FOXP2: variants seen among roughly 807,000 people sequenced by gnomAD.
The protein encoded by FOXP2 is forkhead box protein P2.
Under a neutral mutation model 115.8 loss-of-function variants are expected in FOXP2, and 12 were observed. The observed-to-expected ratio is 0.10, with a 90% CI of 0.07 to 0.17. The LOEUF is 0.17. FOXP2 is among the 10% of genes least tolerant of loss of function. The pLI is 1.00. For missense variants in FOXP2, 629 were observed against 843.5 expected (o/e 0.75, Z 3.15); for synonymous variants, 328 against 297.7 (o/e 1.10, Z -1.05).
intron 1 of FOXP2, among the ~76,000 whole-genome samples, chr7:114,264,123 T>TGA (rs1795834241): frequency 6.6e-6 from 1 of 152,098 alleles, no homozygotes; most frequent in Non-Finnish European, 1.5e-5. Flanking sequence ...CTTTAATACT[T>TGA]ATATTAATAT....
At chr7:114,619,846 G>A (rs1425458571) in intron 3 of FOXP2, among the ~76,000 whole-genome samples, 2 of 152,022 alleles carry the variant, frequency 1.3e-5, no homozygotes, top group East Asian at 3.9e-4. Context: ...ACCATGGCTA[G>A]AAAAATGATA....
At chr7:114,094,298 A>G (rs772920065) in intron 1 of FOXP2, among the ~76,000 whole-genome samples, 13 of 152,226 alleles carry the variant, frequency 8.5e-5, no homozygotes, top group Non-Finnish European at 1.2e-4. Flanking sequence ...AATAAGTGAT[A>G]CAGCCCTCCA....
chr7:114,130,625 A>T (rs1197511611), intron 1 of FOXP2, among the ~76,000 whole-genome samples: 3 of 152,228 alleles, frequency 2.0e-5, no homozygotes, highest in African/African-American at 7.2e-5. Context: ...GTCATCTGGG[A>T]CTTTTAATAT....
In FOXP2 at chr7:114,394,394, T is replaced by TACAC. The variant is rs147854196; in HGVS notation, c.-10-32084_-10-32081dup. 2.8e-3 allele frequency among the ~76,000 whole-genome samples: 409 copies of TACAC among 146,664 alleles called. 3 individuals carry two copies. Among genetic ancestry groups the TACAC allele is most frequent in the Middle Eastern group, 6.8e-3 (2 of 292 alleles). ...GAATAAAGGGAGAAATATGAATCTA[T>TACAC]ACACACACACACACACACACACACA... On this transcript the variant is annotated intron_variant, in intron 2 of 17. Coordinates refer to the FOXP2 transcript ENST00000634411.
chr7:114,497,786 T>A (rs1046356488), intron 2 of FOXP2, among the ~76,000 whole-genome samples: 2 of 152,130 alleles, frequency 1.3e-5, no homozygotes, highest in African/African-American at 4.8e-5. Flanking sequence ...TTAAAGTATA[T>A]TTTCTTCTAA....
intron 16 of FOXP2, among the ~76,000 whole-genome samples, chr7:114,682,346 A>G (rs1369256875): frequency 6.6e-6 from 1 of 152,306 alleles, no homozygotes; most frequent in Admixed American, 6.5e-5. Flanking sequence ...AAAATACTAA[A>G]TACATAAAAT....
rs140999809 is a variant in FOXP2 at position 114,312,133 on chromosome 7, C to A, written c.-11+24024C>A. Among the ~76,000 whole-genome samples the A allele has an allele frequency of 4.5e-3, 686 of 152,218 alleles. 4 individuals carry two copies. Among genetic ancestry groups the A allele is most frequent in the African/African-American group, 0.016 (659 of 41,530 alleles). On this transcript the variant is annotated intron_variant, in intron 2 of 17. Coordinates refer to the FOXP2 transcript ENST00000634411. ...AATGAACTTTTATGTATTCAGTTCA[C>A]CCAAATCTCCATATTGAATAGGGAG...
chr7:114,208,537 T>C (rs1441465479), intron 1 of FOXP2, among the ~76,000 whole-genome samples: 2 of 152,082 alleles, frequency 1.3e-5, no homozygotes, highest in Non-Finnish European at 2.9e-5. Context: ...ATACTTGGTT[T>C]TGAAATGTGA....
At chr7:114,658,699 A>G (rs1022934323) in intron 11 of FOXP2, among the ~76,000 whole-genome samples, 2 of 152,202 alleles carry the variant, frequency 1.3e-5, no homozygotes, top group African/African-American at 4.8e-5. Flanking sequence ...CCTAAATGAA[A>G]TCCTGTCACA....
At chr7:114,435,563 G>C (rs540102583) in intron 2 of FOXP2, among the ~76,000 whole-genome samples, 1 of 152,226 alleles carries the variant, frequency 6.6e-6, no homozygotes, top group African/African-American at 2.4e-5. Context: ...TTGAGATGGA[G>C]TATTGCTCTT....
At chr7:114,682,044 C>G (rs1808110538) in intron 16 of FOXP2, among the ~76,000 whole-genome samples, 1 of 152,138 alleles carries the variant, frequency 6.6e-6, no homozygotes, top group South Asian at 2.1e-4. Context: ...GATCCAGGCA[C>G]TATTTCAAGT....
At chr7:114,175,569 C>T (rs1390974302) in intron 1 of FOXP2, among the ~76,000 whole-genome samples, 1 of 152,096 alleles carries the variant, frequency 6.6e-6, no homozygotes, top group Non-Finnish European at 1.5e-5. Flanking sequence ...AAAGCTCTCA[C>T]ATTTTTGTTT....
Position 114,391,190 on chromosome 7 carries a change from GAA to G in FOXP2, c.-10-35299_-10-35298del, listed in dbSNP as rs555238683. Among the ~76,000 whole-genome samples the G allele has an allele frequency of 6.3e-3, 875 of 139,814 alleles. 7 individuals are homozygous for G. Among genetic ancestry groups the G allele is most frequent in the African/African-American group, 0.02 (751 of 38,234 alleles). 91.7% of individuals were successfully genotyped at this position (139,814 alleles called of 152,430 possible). A position where few individuals can be genotyped will look rare whatever the true frequency, so the allele number is the denominator to read the frequency against. On this transcript the variant is annotated intron_variant, in intron 2 of 17. Coordinates refer to the FOXP2 transcript ENST00000634411. ...CGACAAGAGCAAGACTCCATCTCAG[GAA>G]AAAAAAAAAAAATCTGACTTCTCTG...
intron 3 of FOXP2, among the ~76,000 whole-genome samples, chr7:114,575,235 G>A (rs1283961777): frequency 6.6e-6 from 1 of 151,678 alleles, no homozygotes; most frequent in Non-Finnish European, 1.5e-5. Flanking sequence ...TACCTCATAA[G>A]GTGGTAACGG....
At chr7:114,602,103 AT>A (rs1313813510) in intron 3 of FOXP2, among the ~76,000 whole-genome samples, 17 of 152,128 alleles carry the variant, frequency 1.1e-4, no homozygotes, top group Non-Finnish European at 2.4e-4. Context: ...CCTACTTTGA[AT>A]GTATATTTGT....
intron 1 of FOXP2, among the ~76,000 whole-genome samples, chr7:114,199,243 G>T (rs971828807): frequency 6.6e-6 from 1 of 152,086 alleles, no homozygotes; most frequent in Non-Finnish European, 1.5e-5. Context: ...ATATGTTTTG[G>T]TTGAATGTCT....
chr7:114,670,619 T>C (rs576525615), intron 16 of FOXP2, among the ~76,000 whole-genome samples: 113 of 152,144 alleles, frequency 7.4e-4, no homozygotes, highest in Non-Finnish European at 9.9e-4. Flanking sequence ...CTTTGAATTG[T>C]CATAAAACAT....
chr7:114,356,222 T>G (rs1016559343), intron 2 of FOXP2, among the ~76,000 whole-genome samples: 2 of 152,156 alleles, frequency 1.3e-5, no homozygotes, highest in Non-Finnish European at 2.9e-5. Context: ...TGGAGTAGTT[T>G]CCAGTTTTTG....
intron 1 of FOXP2, among the ~76,000 whole-genome samples, chr7:114,235,004 T>TATA (rs567928282): frequency 6.6e-6 from 1 of 152,200 alleles, no homozygotes; most frequent in African/African-American, 2.4e-5. Context: ...TGATCACAGT[T>TATA]ATAATTACTT....
Sources: allele counts gnomAD v4.1 joint callset (sites outside exome capture counted in the v4.1 genomes callset), GRCh38; gene constraint gnomAD v4.1.1; transcripts MANE v1.5; gene names NCBI Gene and HGNC (gene_info 2026-07-23, HGNC 2026-07-21).